Variants in SWT1 observed in about 807,000 individuals in gnomAD.
SWT1 encodes the protein SWT1 RNA endoribonuclease homolog.
SWT1 carries 33 observed loss-of-function variants against 107.3 expected under a neutral mutation model. The ratio of observed to expected loss-of-function variants is 0.31; its 90% CI spans 0.23 to 0.41. SWT1 has a LOEUF of 0.41. SWT1 is among the 10% of genes least tolerant of loss of function. The pLI, the probability that SWT1 is intolerant of heterozygous loss-of-function variation, is 1.00. For synonymous variants in SWT1, 345 were observed against 348.3 expected, an observed-to-expected ratio of 0.99 and a Z score of 0.11; for missense variants, 898 against 1,028.9, an observed-to-expected ratio of 0.87 and a Z score of 1.74.
intron 15 of SWT1, 80 bp from the exon 16 acceptor site, chr1:185,231,497 T>C: frequency 2.0e-6 from 2 of 1,003,046 alleles, no homozygotes; most frequent in Non-Finnish European, 3.1e-6. Context: ...TACTTTACTT[T>C]ATACATTTGC....
rs907988948 is a variant in SWT1, at chr1:185,269,143, C to T, written c.2442-2180C>T. Among the ~76,000 whole-genome samples the T allele has an allele frequency of 3.9e-5, 6 of 152,150 alleles. No individual in the cohort carries two copies. The East Asian group carries it at 9.6e-4, about 24-fold the overall frequency. The stretch of plus-strand genomic sequence containing the variant: ...CTGGGATAACAGGCGTGAGCCACCG[C>T]GCCTGGCCTGATAGTTTGTTTTCAC... On this transcript the variant is annotated intron_variant, in intron 16 of 18. Coordinates refer to ENST00000367500, the MANE Select transcript of SWT1 (RefSeq NM_017673.7).
chr1:185,226,367 G>A (rs930126899), intron 15 of SWT1, among the ~76,000 whole-genome samples: 30 of 152,058 alleles, frequency 2.0e-4, no homozygotes, highest in African/African-American at 7.0e-4. Context: ...CGACATAATC[G>A]CTCATGGGCC....
At chr1:185,274,386 A>G (rs1426086966) in intron 17 of SWT1, among the ~76,000 whole-genome samples, 1 of 150,748 alleles carries the variant, frequency 6.6e-6, no homozygotes, top group East Asian at 1.9e-4. Flanking sequence ...TTGAACTCCT[A>G]GGTCAAGCAA....
In SWT1 at chr1:185,202,767, A is replaced by G. The variant is rs1351552313; in HGVS notation, c.1637A>G (p.Gln546Arg). The change falls in exon 11 of 19, where the codon CAG (glutamine) becomes CGG (arginine). Residue 546 changes from glutamine to arginine, a missense_variant. Coordinates refer to ENST00000367500, the MANE Select transcript of SWT1 (RefSeq NM_017673.7). ...HLSLNTDVCH[Q>R]PCIPKQQLKA... ...TCTCTGAACACAGATGTGTGTCATC[A>G]GCCTTGTATTCCTAAGCAACAGTTG... The G allele has an allele frequency of 5.1e-6, 8 of 1,578,514 alleles. No individual in the cohort carries two copies. The highest frequency in any genetic ancestry group is 6.0e-6 in the Non-Finnish European group (7 of 1,161,882).
At chr1:185,257,022 G>T (rs868131033) in intron 16 of SWT1, among the ~76,000 whole-genome samples, 1 of 151,944 alleles carries the variant, frequency 6.6e-6, no homozygotes, top group Non-Finnish European at 1.5e-5. Context: ...AGCTTCAGGT[G>T]TGTTGGAATA....
intron 5 of SWT1, 124 bp from the exon 6 acceptor site, chr1:185,180,267 C>T: frequency 1.4e-6 from 1 of 716,834 alleles, no homozygotes; most frequent in Non-Finnish European, 2.5e-6. Flanking sequence ...TGCTAACCAT[C>T]CTGCAATATA....
At chr1:185,178,712 C>G (rs1011667216) in intron 5 of SWT1, among the ~76,000 whole-genome samples, 9 of 152,092 alleles carry the variant, frequency 5.9e-5, no homozygotes, top group African/African-American at 2.2e-4. Flanking sequence ...GCCACAAGTT[C>G]TGTTAATAAT....
intron 17 of SWT1, 79 bp from the exon 18 acceptor site, chr1:185,276,525 G>T: frequency 1.3e-6 from 1 of 758,138 alleles, no homozygotes; most frequent in Non-Finnish European, 2.1e-6. Flanking sequence ...TTTCCTCTCA[G>T]AATATGGGCT....
At chr1:185,271,953 T>C (rs1042923518) in intron 17 of SWT1, among the ~76,000 whole-genome samples, 16 of 152,338 alleles carry the variant, frequency 1.1e-4, no homozygotes, top group East Asian at 1.9e-4. Flanking sequence ...TCAGGGGTGC[T>C]GTTGGCATAT....
rs1262936091 is a variant in SWT1, at chr1:185,184,327, A to C, written c.1223A>C (p.Lys408Thr). The change falls in exon 8 of 19, where the codon AAG becomes ACG. Residue 408 changes from lysine (K) to threonine (T), a missense_variant. By Grantham distance (78) the Lys-to-Thr change is moderately conservative. Coordinates refer to ENST00000367500, the MANE Select transcript of SWT1 (RefSeq NM_017673.7). ...MNHLKFVRIL[K>T]TTEVPGFDKL... ...CATCTCAAATTTGTTAGAATTTTGA[A>C]GACAACAGAAGTACCAGGTATTTAC... 1.3e-6 allele frequency: 2 copies of C among 1,534,060 alleles called. No homozygotes were observed. The highest frequency in any genetic ancestry group is 1.8e-6 in the Non-Finnish European group (2 of 1,118,058).
At chr1:185,270,311 A>G (rs535079337) in intron 16 of SWT1, among the ~76,000 whole-genome samples, 2 of 151,820 alleles carry the variant, frequency 1.3e-5, no homozygotes, top group South Asian at 2.1e-4. Context: ...TTCCAAAAGA[A>G]AAACAGTATT....
intron 3 of SWT1, among the ~76,000 whole-genome samples, chr1:185,167,635 C>G (rs1001648184): frequency 6.6e-6 from 1 of 152,214 alleles, no homozygotes; most frequent in African/African-American, 2.4e-5. Context: ...TCAGGGCTCT[C>G]TCAAATTTGT....
intron 5 of SWT1, among the ~76,000 whole-genome samples, chr1:185,176,217 G>A (rs1280696153): frequency 2.2e-5 from 3 of 138,210 alleles, no homozygotes; most frequent in African/African-American, 8.1e-5. Flanking sequence ...GAGCCCAGGA[G>A]CTCAAGGTTA....
At chr1:185,232,209 A>G (rs1660555983) in intron 16 of SWT1, among the ~76,000 whole-genome samples, 1 of 152,206 alleles carries the variant, frequency 6.6e-6, no homozygotes, top group South Asian at 2.1e-4. Flanking sequence ...ATGAATTTAA[A>G]GTATGGCAGA....
chr1:185,235,540 C>G (rs1660803881), intron 16 of SWT1, among the ~76,000 whole-genome samples: 1 of 152,148 alleles, frequency 6.6e-6, no homozygotes, highest in African/African-American at 2.4e-5. Context: ...TCTCAGTAAA[C>G]TCGGTATTGA....
At chr1:185,276,439 C>T (rs1424011051) in intron 17 of SWT1, among the ~76,000 whole-genome samples, 165 bp from the exon 18 acceptor site, 1 of 152,096 alleles carries the variant, frequency 6.6e-6, no homozygotes, top group Non-Finnish European at 1.5e-5. Context: ...CATACAGTTC[C>T]ATGTTAGCAT....
intron 2 of SWT1, among the ~76,000 whole-genome samples, chr1:185,161,359 G>T (rs1265655694): frequency 6.6e-6 from 1 of 152,066 alleles, no homozygotes; most frequent in East Asian, 1.9e-4. Flanking sequence ...GGCTAATATT[G>T]GGGAAGACAT....
chr1:185,274,769 G>A (rs1664129951), intron 17 of SWT1, among the ~76,000 whole-genome samples: 1 of 151,992 alleles, frequency 6.6e-6, no homozygotes, highest in African/African-American at 2.4e-5. Context: ...TTTTCCCCTG[G>A]AAATTAAAAT....
At chr1:185,175,257 C>T (rs1310560111) in intron 5 of SWT1, 144 bp downstream of exon 5, 2 of 725,620 alleles carry the variant, frequency 2.8e-6, no homozygotes, top group African/African-American at 1.9e-5. Context: ...GGGTCTCACT[C>T]CGTTGCCCAA....
Sources: gnomAD v4.1 joint callset for allele counts (sites outside exome capture counted in the v4.1 genomes callset) on GRCh38, gnomAD v4.1.1 for gene constraint, MANE v1.5 for transcripts, NCBI Gene and HGNC (gene_info 2026-07-23, HGNC 2026-07-21) for gene names.